Variants in SLC7A1 observed in about 807,000 individuals in gnomAD.
SLC7A1 encodes high affinity cationic amino acid transporter 1.
A neutral mutation model predicts 53.9 loss-of-function variants in SLC7A1; 10 were observed. The observed-to-expected ratio is 0.19, with a 90% confidence interval of 0.11 to 0.31. The LOEUF (loss-of-function observed/expected upper bound fraction) is 0.31. Ranked by LOEUF, SLC7A1 falls within the 10% of genes least tolerant of loss-of-function variation. The pLI is 1.00. For synonymous variants in SLC7A1, 342 were observed against 338.7 expected (o/e 1.01, Z -0.11); for missense variants, 525 against 827.2 (o/e 0.63, Z 4.48).
intron 5 of SLC7A1, among the ~76,000 whole-genome samples, chr13:29,528,587 C>G (rs1869007363): frequency 6.6e-6 from 1 of 152,082 alleles, no homozygotes; most frequent in African/African-American, 2.4e-5. Flanking sequence ...TGCAAGACTA[C>G]ATGGCTGTTG....
chr13:29,563,805 A>C (rs969134277), intron 1 of SLC7A1, among the ~76,000 whole-genome samples: 3 of 152,212 alleles, frequency 2.0e-5, no homozygotes, highest in African/African-American at 7.2e-5. Context: ...AAGGTAGCTC[A>C]ACTCTGAAAC....
chr13:29,561,543 ATTAGT>A (rs1320199507), intron 1 of SLC7A1, among the ~76,000 whole-genome samples: 1 of 152,208 alleles, frequency 6.6e-6, no homozygotes, highest in Non-Finnish European at 1.5e-5. Context: ...GCAAACTACA[ATTAGT>A]TTAATTTATC....
intron 5 of SLC7A1, among the ~76,000 whole-genome samples, chr13:29,526,931 C>T (rs2139086979): frequency 6.6e-6 from 1 of 152,316 alleles, no homozygotes; most frequent in East Asian, 1.9e-4. Flanking sequence ...CATCCGTAAA[C>T]CTCCCTGCTG....
chr13:29,516,671 C>A (rs1883566526), intron 11 of SLC7A1, among the ~76,000 whole-genome samples: 1 of 152,232 alleles, frequency 6.6e-6, no homozygotes, highest in South Asian at 2.1e-4. Flanking sequence ...CTTGAGCAGA[C>A]ATTTACGAGA....
At chr13:29,563,630 A>G (rs976518748) in intron 1 of SLC7A1, among the ~76,000 whole-genome samples, 1 of 152,196 alleles carries the variant, frequency 6.6e-6, no homozygotes, top group African/African-American at 2.4e-5. Context: ...TGAAACTGAC[A>G]GCTTGTCCAA....
At chr13:29,526,198 G>A (rs966439825) in intron 5 of SLC7A1, among the ~76,000 whole-genome samples, 2 of 152,178 alleles carry the variant, frequency 1.3e-5, no homozygotes, top group African/African-American at 2.4e-5. Context: ...ATGGCCTTGC[G>A]TTAAAATAAA....
intron 1 of SLC7A1, among the ~76,000 whole-genome samples, chr13:29,570,573 C>A (rs1871149925): frequency 6.6e-6 from 1 of 152,206 alleles, no homozygotes; most frequent in African/African-American, 2.4e-5. Context: ...TGGGACCGGG[C>A]ACGGTGGCTC....
chr13:29,555,679 G>A (rs9579404), intron 1 of SLC7A1, among the ~76,000 whole-genome samples: 9,937 of 151,542 alleles, frequency 0.066, 403 homozygotes, highest in Middle Eastern at 0.16. Flanking sequence ...AAGGGGGGGC[G>A]GGCAGAATCT....
intron 12 of SLC7A1, among the ~76,000 whole-genome samples, chr13:29,515,246 A>G (rs915301057): frequency 1.3e-5 from 2 of 152,172 alleles, no homozygotes; most frequent in African/African-American, 4.8e-5. Flanking sequence ...GCACACAGGG[A>G]CTTTGACAGG....
At chr13:29,561,830 T>C (rs771991506) in intron 1 of SLC7A1, among the ~76,000 whole-genome samples, 5 of 152,176 alleles carry the variant, frequency 3.3e-5, no homozygotes, top group Non-Finnish European at 7.3e-5. Context: ...CCGGACTGCA[T>C]CAATGGCTGA....
intron 2 of SLC7A1, among the ~76,000 whole-genome samples, chr13:29,537,765 T>C (rs1395457767): frequency 1.3e-5 from 2 of 152,240 alleles, no homozygotes; most frequent in East Asian, 1.9e-4. Context: ...TCATGACTTT[T>C]GGCTACTAAG....
chr13:29,553,049 C>G (rs927200151), intron 2 of SLC7A1, among the ~76,000 whole-genome samples: 17 of 152,190 alleles, frequency 1.1e-4, no homozygotes, highest in African/African-American at 4.1e-4. Flanking sequence ...GGCTCTTATG[C>G]CCACTTGGAA....
chr13:29,531,685 T>A lies in SLC7A1; in HGVS notation c.530-973A>T, dbSNP rs529145238. ...TTACCTCTACTAAAAATATAAAAGA[T>A]TAACTGGGTGTGGTGGTGCGTGTCT... On this transcript the variant is annotated intron_variant, in intron 4 of 12. Coordinates refer to ENST00000380752, the MANE Select transcript of SLC7A1 (RefSeq NM_003045.5). 2.0e-4 allele frequency among the ~76,000 whole-genome samples: 30 copies of A among 152,146 alleles called. No individual in the cohort carries two copies. The East Asian group carries it at 5.0e-3, about 25-fold the overall frequency.
intron 5 of SLC7A1, among the ~76,000 whole-genome samples, chr13:29,527,327 C>A (rs551633934): frequency 6.6e-6 from 1 of 152,192 alleles, no homozygotes; most frequent in East Asian, 1.9e-4. Context: ...GCGTTATGAA[C>A]CACGTAGTAT....
At chr13:29,572,757 G>C (rs1018049155) in intron 1 of SLC7A1, among the ~76,000 whole-genome samples, 4 of 152,228 alleles carry the variant, frequency 2.6e-5, no homozygotes, top group African/African-American at 9.7e-5. Context: ...GAGCACTACA[G>C]TTGACCAGCA....
At chr13:29,550,804 A>G (rs1391113687) in intron 2 of SLC7A1, among the ~76,000 whole-genome samples, 1 of 152,194 alleles carries the variant, frequency 6.6e-6, no homozygotes, top group African/African-American at 2.4e-5. Flanking sequence ...AAACATTGAG[A>G]AAGTAAGATG....
intron 11 of SLC7A1, 169 bp downstream of exon 11, chr13:29,516,975 C>T: frequency 1.8e-6 from 1 of 562,092 alleles, no homozygotes; most frequent in Non-Finnish European, 3.0e-6. Context: ...CTTCCAGGGT[C>T]TGGTCCTCTC....
At chr13:29,571,231 T>C (rs934206723) in intron 1 of SLC7A1, among the ~76,000 whole-genome samples, 1 of 152,250 alleles carries the variant, frequency 6.6e-6, no homozygotes, top group Admixed American at 6.5e-5. Flanking sequence ...AATAAGGTTA[T>C]TGTTTGATGT....
chr13:29,518,618 G>A (rs140369811), intron 9 of SLC7A1, among the ~76,000 whole-genome samples: 63 of 152,250 alleles, frequency 4.1e-4, no homozygotes, highest in African/African-American at 1.4e-3. Flanking sequence ...AGGAATAAGG[G>A]GTCCCCAATA....
Sources: allele counts gnomAD v4.1 joint callset (sites outside exome capture counted in the v4.1 genomes callset), GRCh38; gene constraint gnomAD v4.1.1; transcripts MANE v1.5; gene names NCBI Gene and HGNC (gene_info 2026-07-23, HGNC 2026-07-21).